Variants in DMD observed in about 807,000 individuals in gnomAD.
DMD encodes the protein mutant dystrophin.
Under a neutral mutation model 330.1 loss-of-function variants are expected in DMD, and 63 were observed. The observed-to-expected ratio is 0.19, with a 90% CI of 0.16 to 0.24. The LOEUF (loss-of-function observed/expected upper bound fraction) is 0.24. Ranked by LOEUF, DMD falls within the 10% of genes least tolerant of loss-of-function variation. DMD has a pLI of 1.00. For missense variants in DMD, 3,344 were observed against 2,684.1 expected, an observed-to-expected ratio of 1.25 and a Z score of -5.43; for synonymous variants, 1,223 against 959.8, an observed-to-expected ratio of 1.27 and a Z score of -5.07.
At chrX:32,584,698 G>C (rs768890001) in intron 13 of DMD, among the ~76,000 whole-genome samples, 1 of 112,012 alleles carries the variant, frequency 8.9e-6, no homozygotes, top group Non-Finnish European at 1.9e-5. Context: ...TTTACATCAA[G>C]TTAAAAATAT....
chrX:32,710,800 T>C (rs2065120327), intron 7 of DMD, among the ~76,000 whole-genome samples: 1 of 110,962 alleles, frequency 9.0e-6, no homozygotes, highest in African/African-American at 3.3e-5. Flanking sequence ...GTTTGAAAGA[T>C]TCAAGTGTGT....
intron 44 of DMD, among the ~76,000 whole-genome samples, chrX:32,007,145 A>G (rs2095668003): frequency 9.6e-6 from 1 of 104,448 alleles, no homozygotes; most frequent in African/African-American, 3.5e-5. Flanking sequence ...GGTGCAGCAC[A>G]CCAGCATGGC....
chrX:32,317,581 A>C (rs5972523), intron 41 of DMD, among the ~76,000 whole-genome samples: 58,792 of 110,015 alleles, frequency 0.53, 12,573 homozygotes, highest in South Asian at 0.8. Context: ...CTAGGTTTTT[A>C]AACAAAATGT....
At chrX:32,091,612 C>A (rs1461035937) in intron 44 of DMD, among the ~76,000 whole-genome samples, 2 of 110,626 alleles carry the variant, frequency 1.8e-5, no homozygotes, top group Non-Finnish European at 3.8e-5. Context: ...TAAAATGGTC[C>A]CATCTAATCC....
At chrX:31,229,468 T>A (rs186373638) in intron 63 of DMD, among the ~76,000 whole-genome samples, 3 of 111,684 alleles carry the variant, frequency 2.7e-5, no homozygotes, top group African/African-American at 9.8e-5. Context: ...GAAAGAACAA[T>A]AATGACCTCA....
At chrX:31,233,156 G>A (rs2047383708) in intron 63 of DMD, among the ~76,000 whole-genome samples, 1 of 111,668 alleles carries the variant, frequency 9.0e-6, no homozygotes, top group African/African-American at 3.3e-5. Context: ...TCTGGCTGCT[G>A]GAATAAACAA....
chrX:33,054,417 T>C (rs1215634928), intron 1 of DMD, among the ~76,000 whole-genome samples: 1 of 112,021 alleles, frequency 8.9e-6, no homozygotes, highest in African/African-American at 3.2e-5. Flanking sequence ...TTTGTGCCTC[T>C]GGTTATTTTG....
intron 17 of DMD, among the ~76,000 whole-genome samples, chrX:32,534,986 T>A (rs1476373208): frequency 9.0e-6 from 1 of 111,523 alleles, no homozygotes. Flanking sequence ...ATAAGAATAA[T>A]ATATAAATGT....
At chrX:32,257,200 G>A (rs1229017632) in intron 43 of DMD, among the ~76,000 whole-genome samples, 2 of 111,985 alleles carry the variant, frequency 1.8e-5, no homozygotes, top group Non-Finnish European at 3.8e-5. Flanking sequence ...TTTCATGCTC[G>A]TGGTTAGGAA....
intron 2 of DMD, among the ~76,000 whole-genome samples, chrX:32,955,386 G>GTT (rs34646727): frequency 0.053 from 5,529 of 105,009 alleles, 95 homozygotes; most frequent in South Asian, 0.083. Context: ...TTTTAGTAGG[G>GTT]TTTTTTTTTC....
At chrX:31,698,392 G>A (rs2083580443) in intron 52 of DMD, among the ~76,000 whole-genome samples, 1 of 112,134 alleles carries the variant, frequency 8.9e-6, no homozygotes, top group African/African-American at 3.2e-5. Context: ...GCATGATCAA[G>A]AATGAAGCTG....
chrX:31,181,049 T>C (rs2041104522), intron 68 of DMD, among the ~76,000 whole-genome samples: 1 of 112,056 alleles, frequency 8.9e-6, no homozygotes, highest in Non-Finnish European at 1.9e-5. Flanking sequence ...TTTATCTCTA[T>C]CTCTTCAGAA....
At chrX:31,618,759 G>A (rs1324470808) in intron 55 of DMD, among the ~76,000 whole-genome samples, 1 of 111,654 alleles carries the variant, frequency 9.0e-6, no homozygotes, top group Non-Finnish European at 1.9e-5. Flanking sequence ...TTTGAGCGCC[G>A]ACATGATTCT....
At chrX:32,632,642 T>G (rs1005080715) in intron 11 of DMD, among the ~76,000 whole-genome samples, 21 of 110,353 alleles carry the variant, frequency 1.9e-4, no homozygotes, top group Admixed American at 3.8e-4. Context: ...CCTGCAGGCT[T>G]ATGGCTTGTA....
Position 32,525,785 on chromosome X carries a change from T to G in DMD, c.2169-7654A>C, listed in dbSNP as rs1051154850. 3.6e-5 allele frequency among the ~76,000 whole-genome samples: 4 copies of G among 111,792 alleles called. No individual in the cohort carries two copies. In the South Asian group the frequency reaches 1.5e-3, roughly 42 times the overall value. The stretch of plus-strand genomic sequence containing the variant: ...TTGCAGATGGCATTTTCTATCATAC[T>G]TTGCACTAAGTGAGCCTGGGTATTT... On this transcript the variant is annotated intron_variant, in intron 17 of 78. Transcript: ENST00000357033.
intron 60 of DMD, among the ~76,000 whole-genome samples, chrX:31,425,850 C>T (rs756184151): frequency 1.7e-4 from 19 of 112,006 alleles, no homozygotes; most frequent in Non-Finnish European, 2.8e-4. Context: ...AAGCTGACCT[C>T]AAGTCTTGAT....
rs751494718 is a variant in DMD at position 31,656,256 on chromosome X, T to A, written c.8027+1734A>T. On this transcript the variant is annotated intron_variant, in intron 54 of 78. Transcript: ENST00000357033. ...TTACTTTACCCATAGGGGAAGTAAG[T>A]ATATGCATTCCTTAGCTGATAGCTT... Among the ~76,000 whole-genome samples the A allele has an allele frequency of 1.1e-4, 12 of 112,541 alleles. No individual in the cohort carries two copies. The East Asian group carries it at 3.4e-3, about 31-fold the overall frequency.
At chrX:31,669,529 T>C (rs1482981403) in intron 53 of DMD, among the ~76,000 whole-genome samples, 3 of 111,950 alleles carry the variant, frequency 2.7e-5, no homozygotes, top group African/African-American at 9.7e-5. Flanking sequence ...TTATTTTTCA[T>C]GTGTATATCC....
intron 7 of DMD, among the ~76,000 whole-genome samples, chrX:32,776,999 G>T (rs2074214138): frequency 9.2e-6 from 1 of 109,266 alleles, no homozygotes; most frequent in South Asian, 3.9e-4. Context: ...AGCTAAATGG[G>T]TCATAAAAAA....
Sources: allele counts gnomAD v4.1 joint callset (sites outside exome capture counted in the v4.1 genomes callset), GRCh38; gene constraint gnomAD v4.1.1; transcripts MANE v1.5; gene names NCBI Gene and HGNC (gene_info 2026-07-23, HGNC 2026-07-21).